Variants in AKIRIN1 observed in about 807,000 individuals in gnomAD.
The protein encoded by AKIRIN1 is akirin 1, also known as akirin-1.
In AKIRIN1, 4 loss-of-function variants were observed where a neutral mutation model predicts 25.9. That is an observed-to-expected ratio of 0.15 (90% CI 0.08 to 0.35). AKIRIN1 has a LOEUF of 0.35. Ranked by LOEUF, AKIRIN1 falls within the 10% of genes least tolerant of loss-of-function variation. AKIRIN1 has a pLI of 1.00. For missense variants in AKIRIN1, 243 were observed against 266.1 expected, an observed-to-expected ratio of 0.91 and a Z score of 0.61; for synonymous variants, 125 against 105.1, an observed-to-expected ratio of 1.19 and a Z score of -1.16.
Position 38,991,569 on chromosome 1 carries a change from G to T in AKIRIN1, c.189G>T (p.Pro63=). 1.6e-6 allele frequency: 2 copies of T among 1,282,660 alleles called. 1 individual carries two copies. Among genetic ancestry groups the T allele is most frequent in the South Asian group, 3.5e-5 (2 of 56,408 alleles). 79.5% of individuals were successfully genotyped at this position (1,282,660 alleles called of 1,614,324 possible). A position where few individuals can be genotyped will look rare whatever the true frequency, so the allele number is the denominator to read the frequency against. ...TPPQSLQQPA[P]PGSERRLPTP... ...CGCAGAGTCTGCAGCAGCCCGCCCCGCCCGGCAGCGAGCGGCGCCTTCCAA... is the reference window on the plus strand; with the variant it reads ...CGCAGAGTCTGCAGCAGCCCGCCCCTCCCGGCAGCGAGCGGCGCCTTCCAA... The change falls in exon 1 of 5, where the codon CCG becomes CCT. Residue 63 remains proline (P), a synonymous_variant. Coordinates refer to ENST00000432648, the MANE Select transcript of AKIRIN1 (RefSeq NM_024595.3).
intron 2 of AKIRIN1, among the ~76,000 whole-genome samples, chr1:39,000,417 G>A (rs1438550057): frequency 2.2e-5 from 3 of 136,674 alleles, no homozygotes; most frequent in Admixed American, 8.1e-5. Context: ...GTGTGATCTC[G>A]GCTCACTGCA....
intron 1 of AKIRIN1, among the ~76,000 whole-genome samples, chr1:38,996,038 T>TA (rs1643945983): frequency 6.6e-6 from 1 of 152,020 alleles, no homozygotes; most frequent in Admixed American, 6.6e-5. Flanking sequence ...TCTTAAAAAA[T>TA]AAAGTGAGGT....
At chr1:38,999,505 T>C (rs1643972290) in intron 2 of AKIRIN1, among the ~76,000 whole-genome samples, 1 of 152,248 alleles carries the variant, frequency 6.6e-6, no homozygotes, top group South Asian at 2.1e-4. Context: ...TATTATTTTT[T>C]AATCCAGAGT....
At position 38,997,595 on chromosome 1, in the gene AKIRIN1, G is replaced by A. The variant is rs540818400; in HGVS notation, c.221-576G>A. ...TTCAGGCTAGTCTCCTGGGCTCAAGGGATCCTCCCGCCTCCCCCTGCAGAG... is the reference window on the plus strand; with the variant it reads ...TTCAGGCTAGTCTCCTGGGCTCAAGAGATCCTCCCGCCTCCCCCTGCAGAG... On this transcript the variant is annotated intron_variant, in intron 1 of 4. Transcript: ENST00000432648. Among the ~76,000 whole-genome samples, 14 of 152,124 alleles carry A rather than the reference G, an allele frequency of 9.2e-5. No individual in the cohort carries two copies. The South Asian group carries it at 2.7e-3, about 29-fold the overall frequency.
rs913491855 is a variant in AKIRIN1 at position 39,005,864 on chromosome 1, CAAAT to C, written c.*1813_*1816del. On this transcript the variant is annotated 3_prime_UTR_variant, in exon 5 of 5. Coordinates refer to ENST00000432648, the MANE Select transcript of AKIRIN1 (RefSeq NM_024595.3). ...TAGTGTTAACAAGCTTAGTTGCAAA[CAAAT>C]AAAATACTTAAGCTATTTGTTTACC... The C allele has an allele frequency of 1.3e-5, 2 of 152,064 alleles. No homozygotes were observed. The highest frequency in any genetic ancestry group is 4.8e-5 in the African/African-American group (2 of 41,416). 9.4% of individuals were successfully genotyped at this position (152,064 alleles called of 1,614,324 possible).
At chr1:39,001,239 C>A in intron 3 of AKIRIN1, 133 bp downstream of exon 3, 1 of 901,584 alleles carries the variant, frequency 1.1e-6, no homozygotes, top group Non-Finnish European at 1.6e-6. Context: ...GGAAGTTACT[C>A]TTTGGTGATT....
chr1:38,995,628 T>C (rs1013771686), intron 1 of AKIRIN1, among the ~76,000 whole-genome samples: 1 of 152,128 alleles, frequency 6.6e-6, no homozygotes, highest in Admixed American at 6.5e-5. Context: ...GAGGCAGAGG[T>C]TTATCAAAGA....
intron 1 of AKIRIN1, 97 bp from the exon 2 acceptor site, chr1:38,998,074 G>C: frequency 7.5e-7 from 1 of 1,341,126 alleles, no homozygotes; most frequent in Non-Finnish European, 1.0e-6. Context: ...AGTATCTAAA[G>C]TCTAGTCAGA....
At chr1:39,002,527 G>A (rs1475633852) in intron 3 of AKIRIN1, among the ~76,000 whole-genome samples, 3 of 152,114 alleles carry the variant, frequency 2.0e-5, no homozygotes, top group East Asian at 1.9e-4. Context: ...TCAGGAGATC[G>A]AGACCATGCT....
intron 3 of AKIRIN1, among the ~76,000 whole-genome samples, chr1:39,002,542 A>G (rs1009968414): frequency 2.6e-5 from 4 of 152,152 alleles, no homozygotes; most frequent in African/African-American, 9.7e-5. Context: ...CATGCTGGCT[A>G]ACACGGTGAA....
At chr1:38,995,799 G>A (rs955330731) in intron 1 of AKIRIN1, among the ~76,000 whole-genome samples, 35 of 152,182 alleles carry the variant, frequency 2.3e-4, no homozygotes, top group African/African-American at 7.5e-4. Flanking sequence ...TTGGGAGGCC[G>A]AGGCGGGCGG....
rs1644009791 is a variant in AKIRIN1, at chr1:39,003,434, T to C, written c.568+16T>C. On this transcript the variant is annotated intron_variant, in intron 4 of 4. Transcript: ENST00000432648. ...CCAACAAGCTGTAAGTATTGCCACATTTTCTTTGAATTTTCTAAGTTTCAA... is the reference window on the plus strand; with the variant it reads ...CCAACAAGCTGTAAGTATTGCCACACTTTCTTTGAATTTTCTAAGTTTCAA... The C allele has an allele frequency of 6.2e-7, 1 of 1,609,076 alleles. No homozygotes were observed. The highest frequency in any genetic ancestry group is 8.5e-7 in the Non-Finnish European group (1 of 1,178,646).
At chr1:38,998,455 A>C (rs1409888616) in intron 2 of AKIRIN1, 144 bp downstream of exon 2, 2 of 1,013,066 alleles carry the variant, frequency 2.0e-6, no homozygotes, top group East Asian at 2.8e-5. Context: ...AAAACTATAC[A>C]GTCATGAAAT....
At chr1:38,997,765 G>T (rs543266757) in intron 1 of AKIRIN1, among the ~76,000 whole-genome samples, 1 of 152,218 alleles carries the variant, frequency 6.6e-6, no homozygotes, top group South Asian at 2.1e-4. Flanking sequence ...TTGTGAAATT[G>T]CGAAATTTAA....
chr1:39,002,027 G>A (rs1266775027), intron 3 of AKIRIN1, among the ~76,000 whole-genome samples: 1 of 152,184 alleles, frequency 6.6e-6, no homozygotes, highest in East Asian at 1.9e-4. Flanking sequence ...GTGAAAGAAA[G>A]AGATCTGAAT....
At chr1:39,002,457 G>A (rs1377457581) in intron 3 of AKIRIN1, among the ~76,000 whole-genome samples, 1 of 152,150 alleles carries the variant, frequency 6.6e-6, no homozygotes, top group Admixed American at 6.5e-5. Context: ...TAGGCCGGGC[G>A]CAGTGGCTCA....
intron 2 of AKIRIN1, 87 bp from the exon 3 acceptor site, chr1:39,000,885 G>A: frequency 7.1e-7 from 1 of 1,418,328 alleles, no homozygotes; most frequent in Non-Finnish European, 9.5e-7. Context: ...CACCTCAGAT[G>A]ATCCGCCTGC....
At chr1:38,992,579 A>G (rs926140276) in intron 1 of AKIRIN1, among the ~76,000 whole-genome samples, 1 of 152,096 alleles carries the variant, frequency 6.6e-6, no homozygotes, top group Non-Finnish European at 1.5e-5. Context: ...CTTCCTCTGC[A>G]TATCGATCCA....
At chr1:38,997,887 C>T (rs1253991040) in intron 1 of AKIRIN1, among the ~76,000 whole-genome samples, 1 of 144,600 alleles carries the variant, frequency 6.9e-6, no homozygotes, top group Admixed American at 7.2e-5. Flanking sequence ...CACAGGAAAA[C>T]AAGTAAAGGG....
Sources: gnomAD v4.1 joint callset for allele counts (sites outside exome capture counted in the v4.1 genomes callset) on GRCh38, gnomAD v4.1.1 for gene constraint, MANE v1.5 for transcripts, NCBI Gene and HGNC (gene_info 2026-07-23, HGNC 2026-07-21) for gene names.